The following HYDIN variants were observed in gnomAD, a reference collection of about 807,000 sequenced individuals.
HYDIN encodes HYDIN axonemal central pair apparatus protein, also known as axonemal central pair apparatus protein HYDIN.
Under a neutral mutation model 403.9 loss-of-function variants are expected in HYDIN, and 132 were observed. That is an observed-to-expected ratio of 0.33 (90% CI 0.28 to 0.38). HYDIN has a LOEUF of 0.38. Ranked by LOEUF, HYDIN falls within the 10% of genes least tolerant of loss-of-function variation. The probability of loss-of-function intolerance (pLI) is 1.00; values close to 1 mark genes in which losing one functional copy is unlikely to be tolerated. For missense variants in HYDIN, 2,827 were observed against 5,009.5 expected (o/e 0.56, Z 13.15); for synonymous variants, 1,202 against 1,891.7 (o/e 0.64, Z 9.46).
rs574934289 is a variant in HYDIN, at chr16:70,901,379, C to T, written c.8850-177G>A. Among the ~76,000 whole-genome samples the T allele has an allele frequency of 8.2e-3, 1,243 of 151,558 alleles. 15 individuals carry two copies. The highest frequency in any genetic ancestry group is 0.028 in the African/African-American group (1,165 of 41,238). ...CATCACCCAGGTCCTAAGCCTAGTA[C>T]CCAATAGTTATTTTTTCTCCTCCTC... is the stretch of plus-strand genomic sequence containing the variant. On this transcript the variant is annotated intron_variant, in intron 52 of 85. Coordinates refer to ENST00000393567, the MANE Select transcript of HYDIN (RefSeq NM_001270974.2).
rs568104246 is a variant in HYDIN at position 71,030,408 on chromosome 16, T to C, written c.2768+1271A>G. On this transcript the variant is annotated intron_variant, in intron 19 of 85. Coordinates refer to ENST00000393567, the MANE Select transcript of HYDIN (RefSeq NM_001270974.2). ...ATATATATGTGTGTGTGTATATGTA[T>C]ATGTGTGTGTTGTTCTTCTTTTCTT... 4.6e-5 allele frequency among the ~76,000 whole-genome samples: 7 copies of C among 151,772 alleles called. No individual in the cohort carries two copies. The South Asian group carries it at 6.2e-4, about 14-fold the overall frequency.
intron 23 of HYDIN, among the ~76,000 whole-genome samples, chr16:70,993,883 A>G (rs979555055): frequency 6.6e-6 from 1 of 152,058 alleles, no homozygotes; most frequent in African/African-American, 2.4e-5. Flanking sequence ...GCATACGGTG[A>G]TATCACATTG....
chr16:71,186,008 T>A (rs1388352828), intron 2 of HYDIN, among the ~76,000 whole-genome samples: 1 of 152,142 alleles, frequency 6.6e-6, no homozygotes, highest in Non-Finnish European at 1.5e-5. Context: ...ATAAGGACAA[T>A]AAAATGTTAA....
intron 47 of HYDIN, among the ~76,000 whole-genome samples, chr16:70,910,292 T>C (rs1319070279): frequency 6.6e-6 from 1 of 152,090 alleles, no homozygotes; most frequent in Non-Finnish European, 1.5e-5. Context: ...TATGCCTTTG[T>C]GTCCCCATAG....
chr16:71,093,427 G>A (rs1032245714), intron 11 of HYDIN, among the ~76,000 whole-genome samples: 1 of 150,934 alleles, frequency 6.6e-6, no homozygotes, highest in Non-Finnish European at 1.5e-5. Context: ...TCATTAGGAC[G>A]TTCTAGAAAA....
intron 75 of HYDIN, among the ~76,000 whole-genome samples, chr16:70,849,294 T>G (rs1335935306): frequency 6.6e-6 from 1 of 152,082 alleles, no homozygotes; most frequent in Non-Finnish European, 1.5e-5. Context: ...TGCAAGCCTA[T>G]TATTAATTTT....
intron 42 of HYDIN, 143 bp downstream of exon 42, chr16:70,943,669 G>T: frequency 8.5e-7 from 1 of 1,181,224 alleles, no homozygotes; most frequent in Non-Finnish European, 1.1e-6. Flanking sequence ...GTCGACAAGA[G>T]CTGTCAAAAA....
intron 5 of HYDIN, 129 bp downstream of exon 5, chr16:71,175,478 A>T: frequency 1.0e-6 from 1 of 991,656 alleles, no homozygotes; most frequent in Non-Finnish European, 1.5e-6. Flanking sequence ...AAATGTCAAT[A>T]CCAAGACCAC....
intron 1 of HYDIN, among the ~76,000 whole-genome samples, chr16:71,226,481 G>A (rs2144774705): frequency 6.6e-6 from 1 of 152,278 alleles, no homozygotes; most frequent in South Asian, 2.1e-4. Flanking sequence ...ATGAAAGTCT[G>A]AGAAAGAAAC....
At chr16:70,921,812 G>T (rs1196185885) in intron 45 of HYDIN, among the ~76,000 whole-genome samples, 2 of 152,152 alleles carry the variant, frequency 1.3e-5, no homozygotes, top group Non-Finnish European at 2.9e-5. Flanking sequence ...GGAACAAATG[G>T]GGGTTTAGAA....
chr16:70,809,979 A>G lies in HYDIN; in HGVS notation c.14687T>C (p.Leu4896Pro). 2 of 1,614,196 alleles carry G rather than the reference A, an allele frequency of 1.2e-6. No individual in the cohort carries two copies. Among genetic ancestry groups the G allele is most frequent in the Non-Finnish European group, 1.7e-6 (2 of 1,180,026 alleles). ...TCTTCCGAAGGTTTCTCCAGCTTTC[A>G]GGGGCTGAAATTCAAATGAGAACGT... ...EGTFSFEFQPLKAGETFGRLT... is the reference protein window; with the variant it reads ...EGTFSFEFQPPKAGETFGRLT... Residue 4896 changes from leucine to proline, a missense_variant, in exon 85 of 86, where the codon CTG (leucine) becomes CCG (proline). By Grantham distance (98) the Leu-to-Pro change is moderately conservative (BLOSUM62 -3). Transcript: ENST00000393567.
At chr16:70,856,762 A>G (rs1360343367) in intron 72 of HYDIN, among the ~76,000 whole-genome samples, 1 of 152,374 alleles carries the variant, frequency 6.6e-6, no homozygotes, top group African/African-American at 2.4e-5. Flanking sequence ...AATAAATGCC[A>G]TAATTCCCCC....
intron 62 of HYDIN, among the ~76,000 whole-genome samples, chr16:70,877,813 C>T (rs1798422): frequency 6.6e-6 from 1 of 152,188 alleles, no homozygotes; most frequent in African/African-American, 2.4e-5. Context: ...TAGCTGACAA[C>T]TCAGCAGTTA....
intron 44 of HYDIN, among the ~76,000 whole-genome samples, chr16:70,937,690 A>G (rs2077534902): frequency 7.5e-6 from 1 of 132,484 alleles, no homozygotes; most frequent in African/African-American, 2.6e-5. Flanking sequence ...AAAAAAAAAG[A>G]TTAGGACATA....
At chr16:71,211,724 T>G (rs1010031223) in intron 1 of HYDIN, among the ~76,000 whole-genome samples, 6 of 150,984 alleles carry the variant, frequency 4.0e-5, no homozygotes, top group African/African-American at 1.5e-4. Context: ...ACAGATAATA[T>G]TTCAAGGACA....
At chr16:70,895,501 G>A (rs1316882909) in intron 54 of HYDIN, among the ~76,000 whole-genome samples, 1 of 151,970 alleles carries the variant, frequency 6.6e-6, no homozygotes, top group East Asian at 1.9e-4. Flanking sequence ...CCATGTGGGC[G>A]GCCTCTAGGA....
At chr16:70,919,247 C>T (rs1310687638) in intron 46 of HYDIN, among the ~76,000 whole-genome samples, 2 of 152,166 alleles carry the variant, frequency 1.3e-5, no homozygotes, top group Non-Finnish European at 1.5e-5. Flanking sequence ...AAGCAGCAGT[C>T]TAACCTATGA....
intron 83 of HYDIN, among the ~76,000 whole-genome samples, chr16:70,820,756 C>G (rs1315777546): frequency 6.6e-6 from 1 of 151,632 alleles, no homozygotes; most frequent in African/African-American, 2.4e-5. Context: ...TCAAGTGACT[C>G]TCCAGCCTCA....
At chr16:70,833,229 C>T (rs1322662516) in intron 79 of HYDIN, among the ~76,000 whole-genome samples, 162 bp from the exon 80 acceptor site, 1 of 147,174 alleles carries the variant, frequency 6.8e-6, no homozygotes, top group Non-Finnish European at 1.5e-5. Flanking sequence ...AGCAGAAGCA[C>T]TGGGGAATGT....
Sources: allele counts gnomAD v4.1 joint callset (sites outside exome capture counted in the v4.1 genomes callset), GRCh38; gene constraint gnomAD v4.1.1; transcripts MANE v1.5; gene names NCBI Gene and HGNC (gene_info 2026-07-23, HGNC 2026-07-21).